The following RTN3 variants were observed in gnomAD, a reference collection of about 807,000 sequenced individuals.
RTN3 encodes reticulon 3, also known as reticulon-3.
RTN3 carries 49 observed loss-of-function variants against 77.8 expected under a neutral mutation model. That is an observed-to-expected ratio of 0.63 (90% confidence interval 0.50 to 0.80). The LOEUF (loss-of-function observed/expected upper bound fraction) is 0.80. Ranked by LOEUF, RTN3 falls within the 30% of genes least tolerant of loss-of-function variation. RTN3 has a pLI of 0.00. For synonymous variants in RTN3, 464 were observed against 446.9 expected, an observed-to-expected ratio of 1.04 and a Z score of -0.48; for missense variants, 1,236 against 1,211.9, an observed-to-expected ratio of 1.02 and a Z score of -0.29.
intron 1 of RTN3, among the ~76,000 whole-genome samples, chr11:63,700,213 G>A (rs945775012): frequency 6.6e-6 from 1 of 150,398 alleles, no homozygotes; most frequent in Non-Finnish European, 1.5e-5. Context: ...GAGATTTAAT[G>A]TTGATAGTAA....
chr11:63,692,639 T>C (rs1431971058), intron 1 of RTN3, among the ~76,000 whole-genome samples: 1 of 152,044 alleles, frequency 6.6e-6, no homozygotes, highest in Non-Finnish European at 1.5e-5. Flanking sequence ...CATGCGCCTG[T>C]AGTTCCAGCT....
Position 63,737,290 on chromosome 11 carries a change from G to A in RTN3, c.2531-12701G>A, listed in dbSNP as rs147690608. On this transcript the variant is annotated intron_variant, in intron 3 of 8. Transcript: ENST00000377819. ...ACATAGGGTAGGCAAAGATTTCTTA[G>A]GTAAAATACACTAACCATAAAATTA... Among the ~76,000 whole-genome samples, 402 of 152,262 alleles carry A rather than the reference G, an allele frequency of 2.6e-3. 1 individual carries two copies. Among genetic ancestry groups the A allele is most frequent in the Non-Finnish European group, 4.4e-3 (296 of 68,024 alleles).
At chr11:63,693,167 T>A (rs1423167411) in intron 1 of RTN3, among the ~76,000 whole-genome samples, 1 of 152,184 alleles carries the variant, frequency 6.6e-6, no homozygotes, top group African/African-American at 2.4e-5. Flanking sequence ...GGAGAAACTC[T>A]TCCCAGAAAA....
intron 2 of RTN3, 96 bp downstream of exon 2, chr11:63,705,003 A>C: frequency 1.1e-6 from 1 of 881,448 alleles, no homozygotes; most frequent in Non-Finnish European, 1.9e-6. Flanking sequence ...CTATTGCCCC[A>C]AATCCCCTAA....
chr11:63,714,120 G>T (rs1278466913), intron 2 of RTN3: 1 of 468,894 alleles, frequency 2.1e-6, no homozygotes, highest in Admixed American at 2.3e-5. Context: ...TTTACTTCCA[G>T]CCCAATTTTT....
At chr11:63,731,944 C>T (rs1303837794) in intron 3 of RTN3, among the ~76,000 whole-genome samples, 1 of 152,126 alleles carries the variant, frequency 6.6e-6, no homozygotes, top group African/African-American at 2.4e-5. Flanking sequence ...AGCCACTGCG[C>T]CCAGCCATGT....
At chr11:63,682,320 C>A (rs1445178708) in intron 1 of RTN3, among the ~76,000 whole-genome samples, 1 of 151,880 alleles carries the variant, frequency 6.6e-6, no homozygotes, top group Admixed American at 6.6e-5. Context: ...GCATTGTAGC[C>A]TGTTTTTTTT....
intron 3 of RTN3, among the ~76,000 whole-genome samples, chr11:63,744,799 A>G (rs1387036716): frequency 6.6e-6 from 1 of 152,172 alleles, no homozygotes; most frequent in Non-Finnish European, 1.5e-5. Flanking sequence ...TGAGACCAAC[A>G]TGGGCAACAT....
chr11:63,721,886 C>T (rs944576458), intron 3 of RTN3, among the ~76,000 whole-genome samples: 1 of 152,096 alleles, frequency 6.6e-6, no homozygotes, highest in African/African-American at 2.4e-5. Context: ...AGTAGGTAAC[C>T]AGTATTGTAG....
Position 63,718,929 on chromosome 11 carries a change from T to C in RTN3, c.427T>C (p.Ser143Pro). The C allele has an allele frequency of 1.2e-6, 2 of 1,614,236 alleles. No homozygotes were observed. Among genetic ancestry groups the C allele is most frequent in the Non-Finnish European group, 8.5e-7 (1 of 1,180,044 alleles). ...PQGTSNNVSD[S>P]SVSLAAGVHC... ...GGGGACCAGCAACAACGTATCAGACTCTTCAGTTTCTCTTGCAGCAGGAGT... is the reference window on the plus strand; with the variant it reads ...GGGGACCAGCAACAACGTATCAGACCCTTCAGTTTCTCTTGCAGCAGGAGT... Residue 143 changes from serine (S) to proline (P), a missense_variant, in exon 3 of 9, where the codon TCT (serine) becomes CCT (proline). Physicochemically the swap from Ser to Pro is moderately conservative, Grantham distance 74. Coordinates refer to ENST00000377819, the MANE Select transcript of RTN3 (RefSeq NM_001265589.2).
chr11:63,718,937 T>A lies in RTN3; in HGVS notation c.435T>A (p.Val145=). The part of the protein sequence containing the change: ...GTSNNVSDSS[V]SLAAGVHCDR... ...GCAACAACGTATCAGACTCTTCAGTTTCTCTTGCAGCAGGAGTTCATTGTG... is the reference window on the plus strand; with the variant it reads ...GCAACAACGTATCAGACTCTTCAGTATCTCTTGCAGCAGGAGTTCATTGTG... The change falls in exon 3 of 9, where the codon GTT becomes GTA. Residue 145 remains valine, a synonymous_variant. Coordinates refer to ENST00000377819, the MANE Select transcript of RTN3 (RefSeq NM_001265589.2). 1.2e-6 allele frequency: 2 copies of A among 1,614,206 alleles called. No homozygotes were observed. Among genetic ancestry groups the A allele is most frequent in the Non-Finnish European group, 1.7e-6 (2 of 1,180,038 alleles).
At chr11:63,734,238 A>AG (rs2012910982) in intron 3 of RTN3, among the ~76,000 whole-genome samples, 2 of 152,016 alleles carry the variant, frequency 1.3e-5, no homozygotes, top group African/African-American at 2.4e-5. Context: ...ATTTGAGGTC[A>AG]GAGTTTGAGA....
intron 3 of RTN3, among the ~76,000 whole-genome samples, chr11:63,723,568 C>T (rs1472104102): frequency 5.3e-5 from 8 of 151,966 alleles, no homozygotes; most frequent in African/African-American, 1.4e-4. Context: ...GGATTACAGG[C>T]GTGTGCCACC....
At chr11:63,749,942 A>T (rs767240468) in intron 3 of RTN3, 49 bp from the exon 4 acceptor site, 2 of 1,316,870 alleles carry the variant, frequency 1.5e-6, no homozygotes, top group Non-Finnish European at 2.2e-6. Flanking sequence ...TGCAAGACAT[A>T]GTAGCTGTGG....
At chr11:63,746,382 C>T (rs1374648890) in intron 3 of RTN3, among the ~76,000 whole-genome samples, 6 of 152,180 alleles carry the variant, frequency 3.9e-5, no homozygotes, top group African/African-American at 1.2e-4. Flanking sequence ...ATGTTTTTTT[C>T]CTGAACCATT....
At chr11:63,714,069 G>A (rs2134782711) in intron 2 of RTN3, 1 of 515,772 alleles carries the variant, frequency 1.9e-6, no homozygotes, top group South Asian at 1.4e-5. Flanking sequence ...ATTAGTTTTT[G>A]GTCTTCATTC....
intron 2 of RTN3, 48 bp downstream of exon 2, chr11:63,704,955 G>A (rs750737478): frequency 8.6e-6 from 12 of 1,396,856 alleles, no homozygotes; most frequent in Non-Finnish European, 1.2e-5. Context: ...AAAATGTTGA[G>A]AAAGAGGCTG....
chr11:63,725,170 C>T (rs996092425), intron 3 of RTN3, among the ~76,000 whole-genome samples: 1 of 152,118 alleles, frequency 6.6e-6, no homozygotes, highest in African/African-American at 2.4e-5. Context: ...GGACCTGGTA[C>T]ATCCTTCCAG....
At chr11:63,716,694 G>C (rs571570452) in intron 2 of RTN3, among the ~76,000 whole-genome samples, 1 of 152,174 alleles carries the variant, frequency 6.6e-6, no homozygotes, top group Non-Finnish European at 1.5e-5. Flanking sequence ...GGCCAGGCGC[G>C]GTGGCTCATG....
Sources: gnomAD v4.1 joint callset for allele counts (sites outside exome capture counted in the v4.1 genomes callset) on GRCh38, gnomAD v4.1.1 for gene constraint, MANE v1.5 for transcripts, NCBI Gene and HGNC (gene_info 2026-07-23, HGNC 2026-07-21) for gene names.